The following FNDC3B variants were observed in gnomAD, a reference collection of about 807,000 sequenced individuals.
The protein encoded by FNDC3B is fibronectin type III domain-containing protein 3B.
Under a neutral mutation model 151.5 loss-of-function variants are expected in FNDC3B, and 12 were observed. The ratio of observed to expected loss-of-function variants is 0.08; its 90% CI spans 0.05 to 0.13. The LOEUF is 0.13. FNDC3B is among the 10% of genes least tolerant of loss of function. The pLI, the probability that FNDC3B is intolerant of heterozygous loss-of-function variation, is 1.00. For missense variants in FNDC3B, 1,214 were observed against 1,505.3 expected (o/e 0.81, Z 3.20); for synonymous variants, 528 against 549.0 (o/e 0.96, Z 0.54).
Position 172,399,110 on chromosome 3 carries a change from A to G in FNDC3B, c.*1635A>G, listed in dbSNP as rs1736435119. 6.6e-6 allele frequency: 1 copy of G among 152,592 alleles called. No homozygotes were observed. Among genetic ancestry groups the G allele is most frequent in the Admixed American group, 6.5e-5 (1 of 15,272 alleles). 9.5% of individuals were successfully genotyped at this position (152,592 alleles called of 1,614,324 possible). ...CTGTACTAGCTTATAATATTCCCAT[A>G]CCAAAGTCATGGGGAAACAAACATT... On this transcript the variant is annotated 3_prime_UTR_variant, in exon 26 of 26. Coordinates refer to ENST00000415807, the MANE Select transcript of FNDC3B (RefSeq NM_022763.4).
At chr3:172,208,976 G>A (rs915648340) in intron 3 of FNDC3B, among the ~76,000 whole-genome samples, 4 of 152,234 alleles carry the variant, frequency 2.6e-5, no homozygotes, top group East Asian at 1.9e-4. Context: ...ACACAGTGGC[G>A]CCTGAAAGCT....
chr3:172,392,798 C>CTTTTTTTTTTTT (rs11450405), intron 25 of FNDC3B, among the ~76,000 whole-genome samples: 7 of 86,278 alleles, frequency 8.1e-5, no homozygotes, highest in African/African-American at 1.7e-4. Flanking sequence ...TGAATTTTTT[C>CTTTTTTTTTTTT]TTTTTTTTTT....
intron 11 of FNDC3B, among the ~76,000 whole-genome samples, chr3:172,318,593 G>A (rs888419190): frequency 5.3e-5 from 8 of 152,168 alleles, no homozygotes; most frequent in African/African-American, 1.7e-4. Flanking sequence ...TAATTAACTA[G>A]GTCCCACAGC....
chr3:172,288,550 T>C (rs1231055346), intron 7 of FNDC3B, among the ~76,000 whole-genome samples: 2 of 152,232 alleles, frequency 1.3e-5, no homozygotes, highest in Admixed American at 6.5e-5. Flanking sequence ...AAGCTGGAGT[T>C]GTTAATTCTG....
intron 25 of FNDC3B, among the ~76,000 whole-genome samples, chr3:172,388,895 C>G (rs184234729): frequency 2.2e-4 from 34 of 152,250 alleles, no homozygotes; most frequent in African/African-American, 8.2e-4. Flanking sequence ...TTCTTAGATG[C>G]CTACTGCATG....
At chr3:172,143,981 G>A (rs1721774223) in intron 3 of FNDC3B, among the ~76,000 whole-genome samples, 1 of 151,982 alleles carries the variant, frequency 6.6e-6, no homozygotes, top group Non-Finnish European at 1.5e-5. Context: ...GTGCTTGTCA[G>A]TGTTTGCATT....
intron 4 of FNDC3B, among the ~76,000 whole-genome samples, chr3:172,229,295 G>C (rs907699954): frequency 6.6e-6 from 1 of 152,138 alleles, no homozygotes; most frequent in South Asian, 2.1e-4. Context: ...TGTAGTTAAA[G>C]TTCTGTAGCA....
chr3:172,362,788 A>G lies in FNDC3B; in HGVS notation c.2951A>G (p.Lys984Arg). The G allele has an allele frequency of 6.2e-7, 1 of 1,614,092 alleles. No individual in the cohort carries two copies. The highest frequency in any genetic ancestry group is 2.2e-5 in the East Asian group (1 of 44,872). ...CTAAAATGGGGAGACAGTAACTCCA[A>G]GACACATGCTGCTGAGGACATTGTG... ...LKLKWGDSNS[K>R]THAAEDIVYT... The change falls in exon 23 of 26, where the codon AAG becomes AGG. Residue 984 changes from lysine (K) to arginine (R), a missense_variant. Around this residue, in one of 7 missense-constraint regions of FNDC3B, gnomAD observed 284 missense variants for 392.4 expected, o/e 0.72. Coordinates refer to ENST00000415807, the MANE Select transcript of FNDC3B (RefSeq NM_022763.4).
Position 172,050,733 on chromosome 3 carries a change from G to GTGTGTGTGTGTGTGTA in FNDC3B, c.-29+10963_-29+10964insGTGTGTGTGTGTGTAT, listed in dbSNP as rs397991660. 8.7e-5 allele frequency among the ~76,000 whole-genome samples: 12 copies of GTGTGTGTGTGTGTGTA among 137,930 alleles called. No individual in the cohort carries two copies. In the East Asian group the frequency reaches 1.1e-3, roughly 12 times the overall value. 90.5% of individuals were successfully genotyped at this position (137,930 alleles called of 152,430 possible). The stretch of plus-strand genomic sequence containing the variant: ...TGTGTGTGTGTGTGTGTGTGTGTGT[G>GTGTGTGTGTGTGTGTA]TATAGTGTGTATATATACTATATAT... On this transcript the variant is annotated intron_variant, in intron 1 of 25. Coordinates refer to ENST00000415807, the MANE Select transcript of FNDC3B (RefSeq NM_022763.4).
intron 1 of FNDC3B, among the ~76,000 whole-genome samples, chr3:172,085,631 A>G (rs572389196): frequency 6.6e-6 from 1 of 152,358 alleles, no homozygotes; most frequent in Non-Finnish European, 1.5e-5. Flanking sequence ...TTGTTAGGCA[A>G]TTGAAACTTG....
intron 16 of FNDC3B, among the ~76,000 whole-genome samples, chr3:172,340,469 A>G (rs1203805728): frequency 6.6e-6 from 1 of 152,062 alleles, no homozygotes; most frequent in Non-Finnish European, 1.5e-5. Flanking sequence ...TATTTTTAGT[A>G]GAGACAAGGT....
intron 1 of FNDC3B, among the ~76,000 whole-genome samples, chr3:172,076,903 TTA>T: frequency 1.3e-5 from 2 of 152,328 alleles, no homozygotes; most frequent in Middle Eastern, 6.8e-3. Context: ...GTTGAATTAC[TTA>T]TGTTTGTTTT....
At chr3:172,146,677 C>T (rs1014789927) in intron 3 of FNDC3B, among the ~76,000 whole-genome samples, 3 of 152,162 alleles carry the variant, frequency 2.0e-5, no homozygotes, top group African/African-American at 7.2e-5. Context: ...TCAGGTTCAT[C>T]TTCTTTAGCA....
chr3:172,182,744 C>A (rs994694824), intron 3 of FNDC3B, among the ~76,000 whole-genome samples: 4 of 152,160 alleles, frequency 2.6e-5, no homozygotes, highest in Non-Finnish European at 4.4e-5. Flanking sequence ...TGCAGTGATA[C>A]ATGAGTAAAT....
At chr3:172,165,838 T>C (rs1242931730) in intron 3 of FNDC3B, among the ~76,000 whole-genome samples, 1 of 152,224 alleles carries the variant, frequency 6.6e-6, no homozygotes, top group Non-Finnish European at 1.5e-5. Context: ...CTCTTGAATT[T>C]TCCTATAATA....
In FNDC3B at chr3:172,110,403, C is replaced by G. The variant is rs76646388; in HGVS notation, c.-28-2049C>G. ...ACATGGAGTATAGACAGCTTCAGCC[C>G]AAAGCAGGTCCTAAGGACCCTCATC... On this transcript the variant is annotated intron_variant, in intron 1 of 25. Transcript: ENST00000415807. Among the ~76,000 whole-genome samples, 20 of 152,124 alleles carry G rather than the reference C, an allele frequency of 1.3e-4. No homozygotes were observed. In the East Asian group the frequency reaches 3.5e-3, roughly 27 times the overall value.
At position 172,352,712 on chromosome 3, in the gene FNDC3B, A is replaced by T; in HGVS notation, c.2515-91A>T. 2 of 1,273,684 alleles carry T rather than the reference A, an allele frequency of 1.6e-6. No homozygotes were observed. Among genetic ancestry groups the T allele is most frequent in the Non-Finnish European group, 1.1e-6 (1 of 917,018 alleles). 78.9% of individuals were successfully genotyped at this position (1,273,684 alleles called of 1,614,324 possible). A position where few individuals can be genotyped will look rare whatever the true frequency, so the allele number is the denominator to read the frequency against. On this transcript the variant is annotated intron_variant, in intron 21 of 25. Coordinates refer to ENST00000415807, the MANE Select transcript of FNDC3B (RefSeq NM_022763.4). The surrounding 1 kb of genome is among the most constrained non-coding windows in gnomAD (Gnocchi z 4.2). ...ACCTGCATATGTGGAAATGTGTACTACTTTAGATTTATTTAATGGCAGCTA... is the reference window on the plus strand; with the variant it reads ...ACCTGCATATGTGGAAATGTGTACTTCTTTAGATTTATTTAATGGCAGCTA...
At chr3:172,168,347 A>G (rs141507439) in intron 3 of FNDC3B, among the ~76,000 whole-genome samples, 27 of 152,280 alleles carry the variant, frequency 1.8e-4, no homozygotes, top group African/African-American at 5.5e-4. Flanking sequence ...CTTTTCTTTT[A>G]TTCTGATTCC....
chr3:172,333,169 A>G lies in FNDC3B; in HGVS notation c.1635A>G (p.Lys545=). 1.9e-6 allele frequency: 3 copies of G among 1,597,074 alleles called. No homozygotes were observed. The highest frequency in any genetic ancestry group is 2.6e-6 in the Non-Finnish European group (3 of 1,164,386). The change falls in exon 14 of 26, where the codon AAA becomes AAG. Residue 545 remains lysine, a synonymous_variant. Transcript: ENST00000415807. ...VKNLKRSTQY[K]FRLTASNTEG... ...ATCTCAAAAGAAGCACACAGTATAA[A>G]TTCAGGGTGAGTCAGTCATTTTGCT...
Sources: gnomAD v4.1 joint callset for allele counts (sites outside exome capture counted in the v4.1 genomes callset) on GRCh38, gnomAD v4.1.1 for gene constraint, gnomAD v4.1.1 regional missense constraint, Gnocchi (gnomAD v3.1) non-coding constraint, MANE v1.5 for transcripts, NCBI Gene and HGNC (gene_info 2026-07-23, HGNC 2026-07-21) for gene names.